Variants in STAB1 observed in about 807,000 individuals in gnomAD.
STAB1 encodes stabilin-1.
STAB1 carries 250 observed loss-of-function variants against 332.4 expected under a neutral mutation model. The ratio of observed to expected loss-of-function variants is 0.75; its 90% CI spans 0.68 to 0.84. The LOEUF (loss-of-function observed/expected upper bound fraction) is 0.84. Among genes scored for constraint, STAB1 ranks in the 40% least tolerant of loss-of-function variants. The pLI, the probability that STAB1 is intolerant of heterozygous loss-of-function variation, is 0.00. For missense variants in STAB1, 3,249 were observed against 3,489.7 expected, an observed-to-expected ratio of 0.93 and a Z score of 1.74; for synonymous variants, 1,475 against 1,390.4, an observed-to-expected ratio of 1.06 and a Z score of -1.35.
chr3:52,515,403 C>T lies in STAB1; in HGVS notation c.3865-20C>T, dbSNP rs2078827463. 6.2e-7 allele frequency: 1 copy of T among 1,611,816 alleles called. No homozygotes were observed. Reference sequence around the variant, plus strand: ...TGCCCAAGCCACTGGCTGACCCCTCCTGCCTGTCCCCGTTTCCAGGACACA... The same window carrying T: ...TGCCCAAGCCACTGGCTGACCCCTCTTGCCTGTCCCCGTTTCCAGGACACA... On this transcript the variant is annotated intron_variant, in intron 36 of 68. Transcript: ENST00000321725.
Position 52,523,907 on chromosome 3 carries a change from G to T in STAB1, c.7432G>T (p.Ala2478Ser). The change falls in exon 67 of 69, where the codon GCA becomes TCA. Residue 2478 changes from alanine to serine, a missense_variant. Transcript: ENST00000321725. ...VLAPEAPPVA[A>S]GVGAVLAAGA... ...GGCGCCTGAAGCCCCACCTGTGGCG[G>T]CAGGCGTGGGGGCTGTGCTTGCCGC... 2 of 1,607,016 alleles carry T rather than the reference G, an allele frequency of 1.2e-6. No homozygotes were observed.
chr3:52,506,113 C>T (rs1708841044), intron 16 of STAB1, 57 bp from the exon 17 acceptor site: 6 of 1,560,160 alleles, frequency 3.8e-6, no homozygotes, highest in Middle Eastern at 1.7e-4. Flanking sequence ...CAGGACTGGG[C>T]GTGGCCCCAA....
At chr3:52,500,355 C>T (rs1487806652) in intron 1 of STAB1, among the ~76,000 whole-genome samples, 2 of 152,238 alleles carry the variant, frequency 1.3e-5, no homozygotes, top group African/African-American at 4.8e-5. Flanking sequence ...GCCAGGATGC[C>T]CTGGGTTTCC....
At chr3:52,502,850 A>C in intron 6 of STAB1, 123 bp downstream of exon 6, 2 of 1,257,864 alleles carry the variant, frequency 1.6e-6, no homozygotes, top group Non-Finnish European at 2.2e-6. Context: ...TAGTTGGGGA[A>C]GGGGTGTCAT....
At chr3:52,521,812 C>A in intron 57 of STAB1, 32 bp from the exon 58 acceptor site, 2 of 1,594,120 alleles carry the variant, frequency 1.3e-6, no homozygotes, top group African/African-American at 1.3e-5. Context: ...CAACTACTAA[C>A]CTGGTTCTGG....
rs755418872 is a variant in STAB1, at chr3:52,522,170, C to T, written c.6405C>T (p.Pro2135=). Residue 2135 remains proline (P), a synonymous_variant, in exon 59 of 69, where the codon CCC becomes CCT. Coordinates refer to ENST00000321725, the MANE Select transcript of STAB1 (RefSeq NM_015136.3). ...GDGWSCRARN[P]CTDGHRGGCS... Reference sequence around the variant, plus strand: ...GCTGGAGCTGCCGGGCCCGCAACCCCTGCACAGATGGCCACCGCGGGGGCT... The same window carrying T: ...GCTGGAGCTGCCGGGCCCGCAACCCTTGCACAGATGGCCACCGCGGGGGCT... 24 of 1,612,892 alleles carry T rather than the reference C, an allele frequency of 1.5e-5. 1 individual carries two copies. The South Asian group carries it at 2.5e-4, about 17-fold the overall frequency.
intron 37 of STAB1, 143 bp from the exon 38 acceptor site, chr3:52,515,900 C>T (rs1339527532): frequency 5.2e-6 from 5 of 953,942 alleles, no homozygotes; most frequent in Non-Finnish European, 7.6e-6. Context: ...GTGTCTCTTT[C>T]AGCTCTGAGC....
chr3:52,503,407 GGCA>G lies in STAB1; in HGVS notation c.760_762del (p.Gln254del). 6.2e-7 allele frequency: 1 copy of G among 1,613,624 alleles called. No individual in the cohort carries two copies. The highest frequency in any genetic ancestry group is 8.5e-7 in the Non-Finnish European group (1 of 1,180,012). ...GCCCAGTGCTCGGTGAGCCCCAAGG[GGCA>G]GGCTCAGTGTCACTGCCCTGAGAAC... On this transcript the variant is annotated inframe_deletion, in exon 8 of 69. Coordinates refer to ENST00000321725, the MANE Select transcript of STAB1 (RefSeq NM_015136.3).
At position 52,510,063 on chromosome 3, in the gene STAB1, A is replaced by G; in HGVS notation, c.2534+7A>G. ...GCCAGGAGGGTGTTGCCAGGTGAGG[A>G]CCCACACCTTCTGTCTGCCCCACCC... is the stretch of plus-strand genomic sequence containing the variant. On this transcript the variant is annotated splice_region_variant and intron_variant, in intron 23 of 68. Transcript: ENST00000321725. 6.2e-7 allele frequency: 1 copy of G among 1,611,802 alleles called. No individual in the cohort carries two copies.
At chr3:52,522,521 C>A in intron 60 of STAB1, 34 bp from the exon 61 acceptor site, 1 of 1,613,068 alleles carries the variant, frequency 6.2e-7, no homozygotes, top group Non-Finnish European at 8.5e-7. Context: ...TCCTCAGAGC[C>A]GGCCAGCTGA....
chr3:52,513,726 G>T lies in STAB1; in HGVS notation c.3280G>T (p.Val1094Leu), dbSNP rs762529934. ...TGCTGCTGCCTTCCAGAGGGTCTGG[G>T]TGCAGAATGCCAGCGTGGATGTGGC... ...EIRNISGRVW[V>L]QNASVDVADL... Residue 1094 changes from valine (V) to leucine (L), a missense_variant, in exon 31 of 69, where the codon GTG becomes TTG. Coordinates refer to ENST00000321725, the MANE Select transcript of STAB1 (RefSeq NM_015136.3). 3.7e-6 allele frequency: 6 copies of T among 1,613,078 alleles called. No individual in the cohort carries two copies. The African/African-American group carries it at 8.0e-5, about 22-fold the overall frequency.
intron 16 of STAB1, 80 bp downstream of exon 16, chr3:52,506,016 A>G: frequency 2.5e-6 from 4 of 1,569,100 alleles, no homozygotes; most frequent in East Asian, 2.3e-5. Context: ...CCAAGGCCCC[A>G]TCTCTTCTCC....
Position 52,522,566 on chromosome 3 carries a change from G to A in STAB1, c.6622G>A (p.Gly2208Ser). 6.2e-7 allele frequency: 1 copy of A among 1,613,088 alleles called. No individual in the cohort carries two copies. Among genetic ancestry groups the A allele is most frequent in the Non-Finnish European group, 8.5e-7 (1 of 1,180,034 alleles). ...CCTCCATTCTGCAGAGAAACGGGCT[G>A]GCGTTTTCCACCTCCAGGCCACCAG... ...TDLHFQEKRA[G>S]VFHLQATSGP... The change falls in exon 61 of 69, where the codon GGC (glycine) becomes AGC (serine). Residue 2208 changes from glycine (G) to serine (S), a missense_variant. Coordinates refer to ENST00000321725, the MANE Select transcript of STAB1 (RefSeq NM_015136.3).
Position 52,524,151 on chromosome 3 carries a change from C to A in STAB1, c.7594C>A (p.Pro2532Thr), listed in dbSNP as rs1311519970. Residue 2532 changes from proline (P) to threonine (T), a missense_variant, in exon 68 of 69, where the codon CCC becomes ACC. Transcript: ENST00000321725. ...DFSPWQEGTN[P>T]TLVSVPNPVF... is the part of the protein sequence containing the mutation. ...CTCACCGTGGCAAGAAGGGACCAAC[C>A]CCACCCTGGTCTCTGTCCCCAACCC... 6.2e-7 allele frequency: 1 copy of A among 1,613,924 alleles called. No homozygotes were observed. The highest frequency in any genetic ancestry group is 8.5e-7 in the Non-Finnish European group (1 of 1,180,038).
intron 1 of STAB1, among the ~76,000 whole-genome samples, chr3:52,499,898 C>A (rs865793671): frequency 3.5e-4 from 13 of 37,068 alleles, no homozygotes; most frequent in Non-Finnish European, 4.8e-4. Context: ...GACTCCATCT[C>A]AAAAAAAAAA....
At position 52,505,102 on chromosome 3, in the gene STAB1, C is replaced by A; in HGVS notation, c.1477C>A (p.Leu493Met). ...ANGVFHVVTG[L>M]RWQAPSGTPG... ...TGGCGTCTTCCACGTGGTCACTGGC[C>A]TGCGGTGGCAGGCCCCCTCTGGGAC... The change falls in exon 13 of 69, where the codon CTG becomes ATG. Residue 493 changes from leucine (L) to methionine (M), a missense_variant. By Grantham distance (15) the Leu-to-Met change is conservative. Transcript: ENST00000321725. 1 of 1,613,586 alleles carries A rather than the reference C, an allele frequency of 6.2e-7. No homozygotes were observed.
Position 52,523,333 on chromosome 3 carries a change from GACA to G in STAB1, c.7136_7138del (p.Asn2379del). On this transcript the variant is annotated inframe_deletion, in exon 64 of 69. Transcript: ENST00000321725. Reference sequence around the variant, plus strand: ...CGTCCCTGTCAATGAAGGCTTTGTGGACAACATGGTAACCCCCAAGGGTGTGGG... The same window carrying G: ...CGTCCCTGTCAATGAAGGCTTTGTGGACATGGTAACCCCCAAGGGTGTGGG... 6.2e-7 allele frequency: 1 copy of G among 1,610,226 alleles called. No individual in the cohort carries two copies. The highest frequency in any genetic ancestry group is 8.5e-7 in the Non-Finnish European group (1 of 1,180,002).
Position 52,524,162 on chromosome 3 carries a change from C to A in STAB1, c.7605C>A (p.Val2535=). The A allele has an allele frequency of 5.6e-6, 9 of 1,614,084 alleles. No homozygotes were observed. The highest frequency in any genetic ancestry group is 7.6e-6 in the Non-Finnish European group (9 of 1,180,036). The change falls in exon 68 of 69, where the codon GTC becomes GTA. Residue 2535 remains valine, a synonymous_variant. Coordinates refer to ENST00000321725, the MANE Select transcript of STAB1 (RefSeq NM_015136.3). ...PWQEGTNPTL[V]SVPNPVFGSD... The stretch of plus-strand genomic sequence containing the variant: ...AAGAAGGGACCAACCCCACCCTGGT[C>A]TCTGTCCCCAACCCTGTCTTTGGCA...
intron 16 of STAB1, 90 bp from the exon 17 acceptor site, chr3:52,506,080 G>C (rs1206551145): frequency 1.3e-6 from 2 of 1,513,852 alleles, no homozygotes; most frequent in Non-Finnish European, 1.8e-6. Context: ...AGGGACCAAG[G>C]GGGTGGCTGT....
Sources: gnomAD v4.1 joint callset for allele counts (sites outside exome capture counted in the v4.1 genomes callset) on GRCh38, gnomAD v4.1.1 for gene constraint, MANE v1.5 for transcripts, NCBI Gene and HGNC (gene_info 2026-07-23, HGNC 2026-07-21) for gene names.